XKR9: variants seen among roughly 807,000 people sequenced by gnomAD.
The protein encoded by XKR9 is XK-related protein 9.
Under a neutral mutation model 32.0 loss-of-function variants are expected in XKR9, and 32 were observed. That is an observed-to-expected ratio of 1.00 (90% CI 0.76 to 1.34). The LOEUF (loss-of-function observed/expected upper bound fraction) is 1.34, where lower values mean the gene tolerates loss of function less well. Among genes scored for constraint, XKR9 ranks in the 40% most tolerant of loss-of-function variants. XKR9 has a pLI of 0.00. For synonymous variants in XKR9, 168 were observed against 143.4 expected (o/e 1.17, Z -1.22); for missense variants, 546 against 429.7 (o/e 1.27, Z -2.39).
chr8:70,902,235 A>T, the XKR9 span, among the ~76,000 whole-genome samples: 3 of 152,180 alleles, frequency 2.0e-5, no homozygotes, highest in African/African-American at 7.2e-5. Context: ...TCTATAAATT[A>T]TCTTGGGCAG....
At position 70,750,316 on chromosome 8, in the gene XKR9, C is replaced by T. The variant is rs1392719869; in HGVS notation, n.353-39023C>T. 3.3e-5 allele frequency among the ~76,000 whole-genome samples: 5 copies of T among 152,254 alleles called. No individual in the cohort carries two copies. In the South Asian group the frequency reaches 6.2e-4, roughly 19 times the overall value. On this transcript the variant is annotated intron_variant and non_coding_transcript_variant, in intron 2 of 3. Coordinates refer to the XKR9 transcript ENST00000520273. ...GCAGAATACTGTTACTTTTTCTGAG[C>T]TCCTAGAGAAGTGAATGGAGTATAT...
chr8:70,768,663 C>T lies in XKR9; in HGVS notation n.353-20676C>T, dbSNP rs187557031. Among the ~76,000 whole-genome samples the T allele has an allele frequency of 1.0e-3, 158 of 151,968 alleles. 1 individual carries two copies. The highest frequency in any genetic ancestry group is 6.9e-3 in the Middle Eastern group (2 of 290). The stretch of plus-strand genomic sequence containing the variant: ...GTTAGCTCTTCTTGTTGCATTGATC[C>T]CTTTACCATTAAGTAATGCCCTTCT... On this transcript the variant is annotated intron_variant and non_coding_transcript_variant, in intron 2 of 3. Coordinates refer to the XKR9 transcript ENST00000520273.
At chr8:70,772,594 A>G (rs114293408) in intron 2 of XKR9, among the ~76,000 whole-genome samples, 1 of 152,214 alleles carries the variant, frequency 6.6e-6, no homozygotes, top group East Asian at 1.9e-4. Flanking sequence ...GAGTTTAGAA[A>G]TGAATACTGT....
the XKR9 span, among the ~76,000 whole-genome samples, chr8:70,801,625 G>C: frequency 6.6e-6 from 1 of 152,168 alleles, no homozygotes; most frequent in African/African-American, 2.4e-5. Flanking sequence ...CAGATGAGAA[G>C]AATGTGTATT....
At chr8:70,873,817 T>G in the XKR9 span, among the ~76,000 whole-genome samples, 1 of 152,254 alleles carries the variant, frequency 6.6e-6, no homozygotes, top group Non-Finnish European at 1.5e-5. Context: ...AAAGAAGTTC[T>G]ATTGTGTATA....
the XKR9 span, among the ~76,000 whole-genome samples, chr8:70,966,798 T>C: frequency 6.6e-6 from 1 of 152,168 alleles, no homozygotes; most frequent in Non-Finnish European, 1.5e-5. Flanking sequence ...TGAATCTAGG[T>C]GCTCCTGTAT....
chr8:70,723,008 TTTCTC>T (rs1314881132), intron 4 of XKR9, among the ~76,000 whole-genome samples: 1 of 151,920 alleles, frequency 6.6e-6, no homozygotes, highest in Non-Finnish European at 1.5e-5. Context: ...TTCATTTTGT[TTTCTC>T]TAATCTTGTC....
chr8:70,816,288 T>C, the XKR9 span, among the ~76,000 whole-genome samples: 1 of 152,104 alleles, frequency 6.6e-6, no homozygotes, highest in African/African-American at 2.4e-5. Context: ...AACTGGACAG[T>C]AGCTGGGAAG....
intron 2 of XKR9, among the ~76,000 whole-genome samples, chr8:70,770,624 A>G (rs1255308713): frequency 6.6e-6 from 1 of 152,170 alleles, no homozygotes; most frequent in Non-Finnish European, 1.5e-5. Flanking sequence ...GAGAGGAGGA[A>G]TCTAGAGAGG....
chr8:70,727,446 G>C (rs1040273568), intron 4 of XKR9, among the ~76,000 whole-genome samples: 1 of 151,818 alleles, frequency 6.6e-6, no homozygotes, highest in Non-Finnish European at 1.5e-5. Flanking sequence ...TGTCACCCAG[G>C]CTGGAGTGCA....
At chr8:70,746,567 G>C (rs1807062507) in intron 2 of XKR9, among the ~76,000 whole-genome samples, 1 of 151,320 alleles carries the variant, frequency 6.6e-6, no homozygotes, top group Non-Finnish European at 1.5e-5. Flanking sequence ...GGTAGGAAAG[G>C]ACTAGAGGAA....
intron 2 of XKR9, among the ~76,000 whole-genome samples, chr8:70,748,151 T>A (rs1291576869): frequency 1.3e-5 from 2 of 152,200 alleles, no homozygotes; most frequent in Non-Finnish European, 2.9e-5. Flanking sequence ...GAATGGCCAC[T>A]GTGAAGAAGT....
At chr8:70,771,076 T>G (rs1336710529) in intron 2 of XKR9, among the ~76,000 whole-genome samples, 1 of 152,186 alleles carries the variant, frequency 6.6e-6, no homozygotes, top group Non-Finnish European at 1.5e-5. Context: ...TTCTGTGGGT[T>G]GCAAAAACCG....
At chr8:71,024,376 G>A in the XKR9 span, among the ~76,000 whole-genome samples, 1 of 152,162 alleles carries the variant, frequency 6.6e-6, no homozygotes, top group Non-Finnish European at 1.5e-5. Flanking sequence ...CACTGCCACT[G>A]TGCTGGGTCT....
chr8:70,835,805 C>T, the XKR9 span, among the ~76,000 whole-genome samples: 1 of 151,918 alleles, frequency 6.6e-6, no homozygotes, highest in South Asian at 2.1e-4. Context: ...TGGTATGATC[C>T]ATTGTTTTGA....
At chr8:71,026,261 CT>C in the XKR9 span, among the ~76,000 whole-genome samples, 1 of 152,212 alleles carries the variant, frequency 6.6e-6, no homozygotes, top group Non-Finnish European at 1.5e-5. Context: ...TGGCTTTCCC[CT>C]GTTCCTAATT....
chr8:70,734,076 T>G lies in XKR9; in HGVS notation c.774T>G (p.Ser258Arg). Residue 258 changes from serine to arginine, a missense_variant, in exon 5 of 5, where the codon AGT becomes AGG. Ser to Arg is a moderately radical substitution (Grantham distance 110). Coordinates refer to ENST00000408926, the MANE Select transcript of XKR9 (RefSeq NM_001011720.2). The part of the protein sequence containing the change: ...KNNTQFCTCI[S>R]MEFLYRIVVG... ...ACACCCAGTTTTGTACTTGTATAAGTATGGAATTCTTATATAGGATTGTTG... is the reference window on the plus strand; with the variant it reads ...ACACCCAGTTTTGTACTTGTATAAGGATGGAATTCTTATATAGGATTGTTG... The G allele has an allele frequency of 6.2e-7, 1 of 1,610,970 alleles. No homozygotes were observed. The highest frequency in any genetic ancestry group is 8.5e-7 in the Non-Finnish European group (1 of 1,177,370).
the XKR9 span, among the ~76,000 whole-genome samples, chr8:70,796,038 G>A: frequency 6.6e-6 from 1 of 151,474 alleles, no homozygotes; most frequent in Non-Finnish European, 1.5e-5. Flanking sequence ...TCTTGTTATA[G>A]GTCTATTGAG....
chr8:70,741,562 C>A (rs1339013300), intron 2 of XKR9, among the ~76,000 whole-genome samples: 1 of 152,196 alleles, frequency 6.6e-6, no homozygotes, highest in Non-Finnish European at 1.5e-5. Flanking sequence ...TAGCATGTGA[C>A]AAGATTTACT....
Sources: allele counts gnomAD v4.1 joint callset (sites outside exome capture counted in the v4.1 genomes callset), GRCh38; gene constraint gnomAD v4.1.1; transcripts MANE v1.5; gene names NCBI Gene and HGNC (gene_info 2026-07-23, HGNC 2026-07-21).